HAUS7: variants seen among roughly 807,000 people sequenced by gnomAD.
HAUS7 encodes the protein HAUS augmin-like complex subunit 7.
Under a neutral mutation model 28.4 loss-of-function variants are expected in HAUS7, and 3 were observed. The ratio of observed to expected loss-of-function variants is 0.11; its 90% CI spans 0.05 to 0.27. HAUS7 has a LOEUF of 0.27. Among genes scored for constraint, HAUS7 ranks in the 10% least tolerant of loss-of-function variants. HAUS7 has a pLI of 1.00. For synonymous variants in HAUS7, 165 were observed against 132.1 expected (o/e 1.25, Z -1.71); for missense variants, 284 against 297.3 (o/e 0.96, Z 0.33).
intron 1 of HAUS7, among the ~76,000 whole-genome samples, chrX:153,479,918 G>A (rs1441593050): frequency 9.0e-6 from 1 of 111,691 alleles, no homozygotes; most frequent in African/African-American, 3.3e-5. Context: ...AGGAGGCATT[G>A]GGGTTATCAA....
chrX:153,462,553 C>T, intron 4 of HAUS7, 57 bp downstream of exon 4: 1 of 953,276 alleles, frequency 1.0e-6, no homozygotes, highest in Non-Finnish European at 1.5e-6. Flanking sequence ...CATGAGGTTC[C>T]CTGCCCAGGG....
At chrX:153,455,211 G>A (rs1321459940) in intron 8 of HAUS7, 7 of 422,773 alleles carry the variant, frequency 1.7e-5, no homozygotes, top group Middle Eastern at 8.4e-4. Context: ...ATTTTGGAGC[G>A]TAACGTGACA....
At chrX:153,478,774 G>A (rs111709025) in intron 1 of HAUS7, among the ~76,000 whole-genome samples, 4,012 of 112,581 alleles carry the variant, frequency 0.036, 199 homozygotes, top group African/African-American at 0.12. Flanking sequence ...TCTGGAACCC[G>A]GAGGCCTCCA....
intron 1 of HAUS7, among the ~76,000 whole-genome samples, chrX:153,492,442 G>A (rs1237542124): frequency 7.1e-5 from 8 of 112,138 alleles, no homozygotes; most frequent in Admixed American, 3.7e-4. Context: ...CGAGTGACTC[G>A]GTGGGCCCCG....
At chrX:153,467,988 G>A (rs2124138644) in intron 2 of HAUS7, among the ~76,000 whole-genome samples, 1 of 112,557 alleles carries the variant, frequency 8.9e-6, no homozygotes, top group South Asian at 3.6e-4. Flanking sequence ...AGACTAGAAG[G>A]CCATTTCCAG....
intron 1 of HAUS7, among the ~76,000 whole-genome samples, chrX:153,492,015 A>C (rs1198728258): frequency 4.5e-5 from 5 of 110,700 alleles, no homozygotes; most frequent in African/African-American, 1.6e-4. Flanking sequence ...TGCTTCCCCC[A>C]CCTCCTGCTC....
chrX:153,479,317 G>A (rs2089583305), intron 1 of HAUS7: 12 of 754,395 alleles, frequency 1.6e-5, no homozygotes, highest in Non-Finnish European at 1.9e-5. Flanking sequence ...CTGCTCAGGA[G>A]GGGCCCCACC....
At chrX:153,460,708 C>G (rs2089377777) in intron 4 of HAUS7, among the ~76,000 whole-genome samples, 1 of 112,007 alleles carries the variant, frequency 8.9e-6, no homozygotes, top group South Asian at 3.7e-4. Flanking sequence ...CACGGCTGGG[C>G]AGAATGTATG....
upstream of HAUS7, among the ~76,000 whole-genome samples, chrX:153,475,051 C>G (rs1244038741): frequency 1.8e-5 from 2 of 112,411 alleles, no homozygotes; most frequent in Non-Finnish European, 3.8e-5. Context: ...TGCCCGAGCT[C>G]CCCGGCCGGG....
intron 1 of HAUS7, chrX:153,480,660 A>G (rs1295410015): frequency 1.3e-6 from 1 of 752,990 alleles, no homozygotes; most frequent in Non-Finnish European, 1.6e-6. Context: ...GGATCAGCCC[A>G]CCCCGAAGCA....
Position 153,447,876 on chromosome X carries a change from TTC to T in HAUS7, c.1077_*1del. On this transcript the variant is annotated stop_retained_variant and 3_prime_UTR_variant, in exon 10 of 10. Transcript: ENST00000370211. ...TTGGCGTAGGCCATCACTGAAGACT[TTC>T]TATTTCTCCATTAGTTCATTCATCT... The T allele has an allele frequency of 8.3e-7, 1 of 1,199,915 alleles. No individual in the cohort carries two copies. The highest frequency in any genetic ancestry group is 1.1e-6 in the Non-Finnish European group (1 of 884,258).
intron 1 of HAUS7, chrX:153,486,931 G>A: frequency 3.3e-6 from 2 of 601,293 alleles, no homozygotes; most frequent in Non-Finnish European, 4.6e-6. Context: ...ACTGCTTCCA[G>A]TGCACCCACT....
intron 1 of HAUS7, among the ~76,000 whole-genome samples, chrX:153,478,731 G>A (rs1311482750): frequency 1.8e-5 from 2 of 112,846 alleles, no homozygotes; most frequent in African/African-American, 6.4e-5. Flanking sequence ...GCATACCCTC[G>A]CCGCCTGCAC....
chrX:153,465,243 G>A (rs2089441050), intron 2 of HAUS7, among the ~76,000 whole-genome samples, 188 bp from the exon 3 acceptor site: 1 of 107,116 alleles, frequency 9.3e-6, no homozygotes, highest in Non-Finnish European at 1.9e-5. Context: ...GAATATTCCA[G>A]GAAGTTTACC....
upstream of HAUS7, among the ~76,000 whole-genome samples, chrX:153,473,243 A>G (rs1211223993): frequency 8.9e-6 from 1 of 112,747 alleles, no homozygotes; most frequent in Non-Finnish European, 1.9e-5. Flanking sequence ...GGACCCCCCA[A>G]TCCCCCAAAG....
At chrX:153,468,033 T>C (rs899529218) in intron 2 of HAUS7, among the ~76,000 whole-genome samples, 4 of 112,461 alleles carry the variant, frequency 3.6e-5, no homozygotes, top group African/African-American at 1.3e-4. Context: ...CAAAAGGTTA[T>C]GAAGCGAGGA....
chrX:153,473,801 C>T (rs1208828223), upstream of HAUS7, among the ~76,000 whole-genome samples: 3 of 110,228 alleles, frequency 2.7e-5, no homozygotes, highest in African/African-American at 6.6e-5. Flanking sequence ...CCCGTCCTGT[C>T]CTCCTCTCCC....
At position 153,447,695 on chromosome X, in the gene HAUS7, A is replaced by G. The variant is rs7066044; in HGVS notation, c.*183T>C. On this transcript the variant is annotated 3_prime_UTR_variant, in exon 10 of 10. Coordinates refer to ENST00000370211, the MANE Select transcript of HAUS7 (RefSeq NM_001385482.1). Reference sequence around the variant, plus strand: ...AGAAACCAAGGCTTTCTTTGTGTCCAAGTCAAACCGCCCGTCTGTCTCTCC... The same window carrying G: ...AGAAACCAAGGCTTTCTTTGTGTCCGAGTCAAACCGCCCGTCTGTCTCTCC... 478 of 566,057 alleles carry G rather than the reference A, an allele frequency of 8.4e-4. 7 individuals are homozygous for G. In the African/African-American group the frequency reaches 9.1e-3, roughly 11 times the overall value. 46.6% of individuals were successfully genotyped at this position (566,057 alleles called of 1,213,427 possible). A position where few individuals can be genotyped will look rare whatever the true frequency, so the allele number is the denominator to read the frequency against.
Position 153,462,652 on chromosome X carries a change from G to C in HAUS7, c.312C>G (p.His104Gln). The C allele has an allele frequency of 8.3e-7, 1 of 1,206,843 alleles. No homozygotes were observed. Among genetic ancestry groups the C allele is most frequent in the Non-Finnish European group, 1.1e-6 (1 of 890,600 alleles). Residue 104 changes from histidine (H) to glutamine (Q), a missense_variant, in exon 4 of 10, where the codon CAC (histidine) becomes CAG (glutamine). By Grantham distance (24) the His-to-Gln change is conservative. Coordinates refer to ENST00000370211, the MANE Select transcript of HAUS7 (RefSeq NM_001385482.1). The part of the protein sequence containing the change: ...VKIQEMTKLG[H>Q]ELMLCAPDDQ... The stretch of plus-strand genomic sequence containing the variant: ...CATCTGGCGCACACAGCATCAGCTC[G>C]TGGCCCAGCTTCGTCATTTCTGTTG...
Sources: allele counts gnomAD v4.1 joint callset (sites outside exome capture counted in the v4.1 genomes callset), GRCh38; gene constraint gnomAD v4.1.1; transcripts MANE v1.5; gene names NCBI Gene and HGNC (gene_info 2026-07-23, HGNC 2026-07-21).